SPRY3: variants seen among roughly 807,000 people sequenced by gnomAD.
SPRY3 encodes the protein protein sprouty homolog 3.
Under a neutral mutation model 20.2 loss-of-function variants are expected in SPRY3, and 15 were observed. The ratio of observed to expected loss-of-function variants is 0.74; its 90% CI spans 0.50 to 1.14. The LOEUF is 1.14. Among genes scored for constraint, SPRY3 ranks in the 50% most tolerant of loss-of-function variants. The probability of loss-of-function intolerance (pLI) is 0.00; values close to 1 mark genes in which losing one functional copy is unlikely to be tolerated. For synonymous variants in SPRY3, 143 were observed against 136.5 expected (o/e 1.05, Z -0.33); for missense variants, 364 against 363.9 (o/e 1.00, Z 0.00).
Position 155,733,280 on chromosome X carries a change from T to C in SPRY3, c.-281-34682T>C, listed in dbSNP as rs775443458. 2.7e-3 allele frequency among the ~76,000 whole-genome samples: 409 copies of C among 149,306 alleles called. 1 individual carries two copies. The highest frequency in any genetic ancestry group is 6.9e-3 in the Middle Eastern group (2 of 288). On this transcript the variant is annotated intron_variant, in intron 2 of 3. Transcript: ENST00000675360. ...ATATACCATATACCCTATATATATA[T>C]ACACACACACTATATATACACATAG... is the stretch of plus-strand genomic sequence containing the variant.
chrX:155,628,507 C>A (rs782420147), intron 1 of SPRY3, among the ~76,000 whole-genome samples: 2 of 111,662 alleles, frequency 1.8e-5, no homozygotes, highest in Non-Finnish European at 3.8e-5. Flanking sequence ...AAAAAGTGGT[C>A]AAAGGACATG....
chrX:155,703,653 G>A (rs773851091), intron 2 of SPRY3, among the ~76,000 whole-genome samples: 2 of 140,552 alleles, frequency 1.4e-5, no homozygotes, highest in East Asian at 4.2e-4. Context: ...CTTGCCTTCT[G>A]CTAGCTTTTG....
At chrX:155,768,798 G>C (rs952982625) in intron 3 of SPRY3, among the ~76,000 whole-genome samples, 20 of 152,198 alleles carry the variant, frequency 1.3e-4, no homozygotes, top group African/African-American at 4.1e-4. Flanking sequence ...ATAGGCATTT[G>C]ATAAGACCTA....
At chrX:155,630,644 T>G (rs782021572) in intron 1 of SPRY3, among the ~76,000 whole-genome samples, 45 of 111,589 alleles carry the variant, frequency 4.0e-4, no homozygotes, top group African/African-American at 1.4e-3. Context: ...TTTTTCTTGC[T>G]GCTGATTTCA....
At chrX:155,633,312 G>A (rs782776977) in intron 1 of SPRY3, among the ~76,000 whole-genome samples, 4 of 102,357 alleles carry the variant, frequency 3.9e-5, no homozygotes, top group South Asian at 4.8e-4. Flanking sequence ...AGGCCGAGGC[G>A]GGCGGATCAC....
At chrX:155,711,367 A>T (rs979947273) in intron 2 of SPRY3, among the ~76,000 whole-genome samples, 4 of 151,646 alleles carry the variant, frequency 2.6e-5, no homozygotes, top group African/African-American at 9.7e-5. Context: ...GGATTTCTTC[A>T]TGATTCAATC....
chrX:155,767,439 G>A (rs188805342), intron 2 of SPRY3, among the ~76,000 whole-genome samples: 1 of 152,128 alleles, frequency 6.6e-6, no homozygotes, highest in Non-Finnish European at 1.5e-5. Context: ...CACACTGGCG[G>A]TATCTATTGC....
At chrX:155,774,495 T>C (rs1469359928) in exon 4 of SPRY3, 1 of 1,613,796 alleles carries the variant, frequency 6.2e-7, no homozygotes, top group Non-Finnish European at 8.5e-7. Context: ...ACTGTGCTGA[T>C]GAGCCCTGCT....
intron 2 of SPRY3, among the ~76,000 whole-genome samples, chrX:155,734,924 G>A (rs2091157873): frequency 6.6e-6 from 1 of 151,294 alleles, no homozygotes; most frequent in Non-Finnish European, 1.5e-5. Flanking sequence ...TTCTTTTCTA[G>A]TTTCCTCAGG....
At chrX:155,764,416 T>A (rs1321235403) in intron 2 of SPRY3, among the ~76,000 whole-genome samples, 1 of 152,234 alleles carries the variant, frequency 6.6e-6, no homozygotes, top group East Asian at 1.9e-4. Context: ...AATTTCTGTA[T>A]ATAATTGTAC....
chrX:155,754,990 G>C (rs1056031950), intron 2 of SPRY3, among the ~76,000 whole-genome samples: 2 of 151,604 alleles, frequency 1.3e-5, no homozygotes, highest in Non-Finnish European at 2.9e-5. Flanking sequence ...TTTAAATAGG[G>C]AATTTGCTAT....
chrX:155,622,131 C>G (rs1219361056), intron 1 of SPRY3, among the ~76,000 whole-genome samples: 1 of 112,203 alleles, frequency 8.9e-6, no homozygotes, highest in Non-Finnish European at 1.9e-5. Flanking sequence ...AACCCTCACT[C>G]TGCACTTTTC....
intron 2 of SPRY3, among the ~76,000 whole-genome samples, chrX:155,717,654 G>A (rs1439712780): frequency 6.6e-6 from 1 of 152,020 alleles, no homozygotes; most frequent in Non-Finnish European, 1.5e-5. Context: ...AGAACATGTG[G>A]TGTTTGGTTT....
intron 2 of SPRY3, among the ~76,000 whole-genome samples, chrX:155,733,344 T>C (rs1569389952): frequency 6.9e-6 from 1 of 145,312 alleles, no homozygotes; most frequent in Non-Finnish European, 1.5e-5. Context: ...TATATGCTGA[T>C]ATATATATAC....
intron 2 of SPRY3, among the ~76,000 whole-genome samples, chrX:155,739,720 C>G (rs1357913536): frequency 1.3e-5 from 2 of 152,070 alleles, no homozygotes; most frequent in African/African-American, 4.8e-5. Flanking sequence ...TGCAGCAGTC[C>G]TGTGGAAGAG....
intron 1 of SPRY3, among the ~76,000 whole-genome samples, chrX:155,618,227 C>CTCTA (rs1353495671): frequency 8.9e-6 from 1 of 111,991 alleles, no homozygotes; most frequent in East Asian, 2.8e-4. Context: ...TGTTCTCCAT[C>CTCTA]TCTATAACTT....
chrX:155,613,362 A>G (rs782151756), intron 1 of SPRY3, among the ~76,000 whole-genome samples: 4 of 111,763 alleles, frequency 3.6e-5, no homozygotes, highest in Non-Finnish European at 7.5e-5. Context: ...AGTGAGCACT[A>G]GAAGGGAATA....
At chrX:155,680,868 T>C (rs2068072390) in intron 2 of SPRY3, among the ~76,000 whole-genome samples, 1 of 111,585 alleles carries the variant, frequency 9.0e-6, no homozygotes, top group Non-Finnish European at 1.9e-5. Context: ...GTTATGGTGA[T>C]TGTGATCGGT....
At chrX:155,715,752 G>C (rs1280116847) in intron 2 of SPRY3, among the ~76,000 whole-genome samples, 7 of 152,152 alleles carry the variant, frequency 4.6e-5, no homozygotes, top group African/African-American at 1.7e-4. Flanking sequence ...TGGGATACAT[G>C]ATACTGCTCT....
Sources: gnomAD v4.1 joint callset for allele counts (sites outside exome capture counted in the v4.1 genomes callset) on GRCh38, gnomAD v4.1.1 for gene constraint, MANE v1.5 for transcripts, NCBI Gene and HGNC (gene_info 2026-07-23, HGNC 2026-07-21) for gene names.